Variants in SPATA17 observed in about 807,000 individuals in gnomAD.
SPATA17 encodes spermatogenesis-associated protein 17.
Under a neutral mutation model 62.2 loss-of-function variants are expected in SPATA17, and 53 were observed. The observed-to-expected ratio is 0.85, with a 90% CI of 0.68 to 1.07. The LOEUF is 1.07. Ranked by LOEUF, SPATA17 falls within the 50% of genes least tolerant of loss-of-function variation. The pLI, the probability that SPATA17 is intolerant of heterozygous loss-of-function variation, is 0.00. For missense variants in SPATA17, 466 were observed against 425.5 expected (o/e 1.10, Z -0.84); for synonymous variants, 146 against 146.8 (o/e 0.99, Z 0.04).
chr1:217,825,604 C>T (rs1055439954), intron 9 of SPATA17, among the ~76,000 whole-genome samples: 1 of 151,712 alleles, frequency 6.6e-6, no homozygotes, highest in Non-Finnish European at 1.5e-5. Flanking sequence ...ATAACATATA[C>T]ATATATGTTA....
intron 9 of SPATA17, chr1:217,850,449 C>T: frequency 1.5e-6 from 2 of 1,366,672 alleles, no homozygotes; most frequent in Non-Finnish European, 2.1e-6. Context: ...TCAACTCTTT[C>T]TGGATGTTGT....
At chr1:217,810,116 T>C (rs570549009) in intron 9 of SPATA17, among the ~76,000 whole-genome samples, 1 of 152,258 alleles carries the variant, frequency 6.6e-6, no homozygotes, top group East Asian at 1.9e-4. Flanking sequence ...TTCCTTTTGG[T>C]TTTATACAAC....
intron 9 of SPATA17, among the ~76,000 whole-genome samples, chr1:217,812,455 AGT>A (rs912325061): frequency 1.3e-5 from 2 of 152,192 alleles, no homozygotes; most frequent in Non-Finnish European, 2.9e-5. Context: ...AATTTTTGAA[AGT>A]GTGAAAATCA....
chr1:217,646,446 A>G (rs1279976087), intron 1 of SPATA17, among the ~76,000 whole-genome samples: 1 of 152,142 alleles, frequency 6.6e-6, no homozygotes, highest in Non-Finnish European at 1.5e-5. Context: ...TTTTAGGGAG[A>G]TTGGTGCTAC....
At chr1:217,753,967 T>C (rs1051270990) in intron 6 of SPATA17, among the ~76,000 whole-genome samples, 1 of 152,100 alleles carries the variant, frequency 6.6e-6, no homozygotes, top group Non-Finnish European at 1.5e-5. Flanking sequence ...CAGCACAGTG[T>C]CTCACGCCTG....
intron 5 of SPATA17, among the ~76,000 whole-genome samples, chr1:217,732,933 C>T (rs983056447): frequency 1.3e-5 from 2 of 151,920 alleles, no homozygotes; most frequent in Admixed American, 1.3e-4. Context: ...AATAATTTTA[C>T]TGTGAAATAT....
intron 9 of SPATA17, among the ~76,000 whole-genome samples, chr1:217,854,660 T>C (rs1365655994): frequency 6.6e-6 from 1 of 152,116 alleles, no homozygotes; most frequent in African/African-American, 2.4e-5. Flanking sequence ...CCCAGGTAAT[T>C]GAATGTACGG....
chr1:217,716,980 T>C (rs1470496247), intron 5 of SPATA17, among the ~76,000 whole-genome samples: 1 of 152,164 alleles, frequency 6.6e-6, no homozygotes, highest in East Asian at 1.9e-4. Flanking sequence ...CACACCAAAA[T>C]AATGGCGGAT....
chr1:217,648,735 A>G, intron 1 of SPATA17, 147 bp from the exon 2 acceptor site: 1 of 428,992 alleles, frequency 2.3e-6, no homozygotes. Flanking sequence ...GAAATGCCTT[A>G]TTTATTTATA....
At chr1:217,711,797 GA>G (rs1671871221) in intron 5 of SPATA17, among the ~76,000 whole-genome samples, 1 of 152,166 alleles carries the variant, frequency 6.6e-6, no homozygotes, top group East Asian at 1.9e-4. Flanking sequence ...AAGAGACTGG[GA>G]CTATAATACG....
chr1:217,735,514 C>G (rs1672493115), intron 5 of SPATA17, among the ~76,000 whole-genome samples: 1 of 152,084 alleles, frequency 6.6e-6, no homozygotes, highest in Non-Finnish European at 1.5e-5. Context: ...TGGGGGAACT[C>G]GAATATTCAG....
intron 4 of SPATA17, among the ~76,000 whole-genome samples, chr1:217,680,979 A>G (rs946697838): frequency 7.5e-6 from 1 of 133,782 alleles, no homozygotes; most frequent in Non-Finnish European, 1.7e-5. Flanking sequence ...CTGTAATCCC[A>G]GCACCTTGGG....
intron 6 of SPATA17, among the ~76,000 whole-genome samples, chr1:217,748,477 C>T (rs1672820531): frequency 6.6e-6 from 1 of 151,926 alleles, no homozygotes; most frequent in Non-Finnish European, 1.5e-5. Flanking sequence ...GGTGCAGTGG[C>T]TCACGCCTGT....
chr1:217,791,720 A>C (rs765225685), intron 8 of SPATA17, among the ~76,000 whole-genome samples: 36 of 152,238 alleles, frequency 2.4e-4, no homozygotes, highest in Non-Finnish European at 4.4e-4. Context: ...TTTGGACTTT[A>C]TGTGGTAGAG....
intron 4 of SPATA17, among the ~76,000 whole-genome samples, chr1:217,679,633 T>C (rs1219940565): frequency 6.6e-6 from 1 of 152,232 alleles, no homozygotes; most frequent in Non-Finnish European, 1.5e-5. Context: ...ATATCCAATT[T>C]TGAATAAAAG....
chr1:217,818,897 T>C (rs78621777), intron 9 of SPATA17, among the ~76,000 whole-genome samples: 2 of 147,796 alleles, frequency 1.4e-5, no homozygotes, highest in Non-Finnish European at 3.0e-5. Context: ...TTTTTTTTTT[T>C]GGCTTTCTTT....
intron 4 of SPATA17, among the ~76,000 whole-genome samples, chr1:217,674,177 C>G (rs894002075): frequency 6.6e-6 from 1 of 152,124 alleles, no homozygotes; most frequent in Admixed American, 6.6e-5. Flanking sequence ...CCTAAGTGTA[C>G]TGTAGTCAAA....
At chr1:217,760,699 A>T (rs1355384533) in intron 6 of SPATA17, among the ~76,000 whole-genome samples, 1 of 152,198 alleles carries the variant, frequency 6.6e-6, no homozygotes, top group Non-Finnish European at 1.5e-5. Context: ...TTATATTATT[A>T]CATTTTCTTT....
chr1:217,647,723 A>C (rs148905585), intron 1 of SPATA17, among the ~76,000 whole-genome samples: 89 of 149,772 alleles, frequency 5.9e-4, no homozygotes, highest in African/African-American at 2.1e-3. Context: ...CCTCTTTTTA[A>C]AATTTTTTTT....
Sources: gnomAD v4.1 joint callset for allele counts (sites outside exome capture counted in the v4.1 genomes callset) on GRCh38, gnomAD v4.1.1 for gene constraint, MANE v1.5 for transcripts, NCBI Gene and HGNC (gene_info 2026-07-23, HGNC 2026-07-21) for gene names.